Variants in SLC35C1 observed in about 807,000 individuals in gnomAD.
The protein encoded by SLC35C1 is solute carrier family 35 member C1.
Under a neutral mutation model 23.2 loss-of-function variants are expected in SLC35C1, and 8 were observed. That is an observed-to-expected ratio of 0.35 (90% confidence interval 0.20 to 0.62). The LOEUF (loss-of-function observed/expected upper bound fraction) is 0.62. Among genes scored for constraint, SLC35C1 ranks in the 20% least tolerant of loss-of-function variants. The pLI is 0.75. For missense variants in SLC35C1, 422 were observed against 478.6 expected, an observed-to-expected ratio of 0.88 and a Z score of 1.10; for synonymous variants, 226 against 225.1, an observed-to-expected ratio of 1.00 and a Z score of -0.04.
chr11:45,806,104 C>T lies in SLC35C1; in HGVS notation c.303C>T (p.Ala101=), dbSNP rs1252172682. Residue 101 remains alanine, a synonymous_variant, in exon 1 of 2, where the codon GCC becomes GCT. Coordinates refer to ENST00000314134, the MANE Select transcript of SLC35C1 (RefSeq NM_018389.5). The stretch of plus-strand genomic sequence containing the variant: ...CTCTGGCCGCCTGCTGCCCTGGTGC[C>T]GTGGACTTCCCCAGCTTGCGCCTGG... The part of the protein sequence containing the change: ...LSALAACCPG[A]VDFPSLRLDL... The T allele has an allele frequency of 3.1e-6, 5 of 1,610,474 alleles. No homozygotes were observed. Among genetic ancestry groups the T allele is most frequent in the Non-Finnish European group, 3.4e-6 (4 of 1,179,996 alleles).
At chr11:45,810,708 T>C in intron 1 of SLC35C1, 68 bp from the exon 2 acceptor site, 1 of 1,556,972 alleles carries the variant, frequency 6.4e-7, no homozygotes. Flanking sequence ...TCTGATCCTC[T>C]GTCCTTCTTC....
rs2134589937 is a variant in SLC35C1, at chr11:45,805,978, T to C, written c.177T>C (p.Asn59=). ...CCTCCATCTCCATGGTGTTCCTTAA[T>C]AAGTACCTGCTGGACAGCCCCTCCC... is the stretch of plus-strand genomic sequence containing the variant. ...WVTSISMVFL[N]KYLLDSPSLR... is the part of the protein sequence containing the mutation. Residue 59 remains asparagine (N), a synonymous_variant, in exon 1 of 2, where the codon AAT becomes AAC. Coordinates refer to ENST00000314134, the MANE Select transcript of SLC35C1 (RefSeq NM_018389.5). 1 of 1,614,074 alleles carries C rather than the reference T, an allele frequency of 6.2e-7. No homozygotes were observed. The highest frequency in any genetic ancestry group is 2.2e-5 in the East Asian group (1 of 44,852).
chr11:45,805,589 C>T lies in SLC35C1; in HGVS notation c.-213C>T. The T allele has an allele frequency of 1.4e-6, 2 of 1,458,684 alleles. No individual in the cohort carries two copies. Among genetic ancestry groups the T allele is most frequent in the Non-Finnish European group, 1.8e-6 (2 of 1,106,506 alleles). 90.4% of individuals were successfully genotyped at this position (1,458,684 alleles called of 1,614,324 possible). A position where few individuals can be genotyped will look rare whatever the true frequency, so the allele number is the denominator to read the frequency against. On this transcript the variant is annotated 5_prime_UTR_variant, in exon 1 of 2. Transcript: ENST00000314134. ...GCCCTGTGTCTTGTCTCAGAGCCCC[C>T]TCGGGGTGGGAGTAGGTTGTGGAGC...
In SLC35C1 at chr11:45,811,038, C is replaced by T. The variant is rs1287604888; in HGVS notation, c.798C>T (p.Phe266=). The change falls in exon 2 of 2, where the codon TTC becomes TTT. Residue 266 remains phenylalanine, a synonymous_variant. Transcript: ENST00000314134. ...TTGCCCAGCTGGGCAGTGCCCACTT[C>T]TGGGGGATGATGACGCTGGGCGGCC... The part of the protein sequence containing the change: ...RDFAQLGSAH[F]WGMMTLGGLF... 1 of 1,613,124 alleles carries T rather than the reference C, an allele frequency of 6.2e-7. No homozygotes were observed. Among genetic ancestry groups the T allele is most frequent in the Non-Finnish European group, 8.5e-7 (1 of 1,180,024 alleles).
chr11:45,812,406 C>CA lies in SLC35C1; in HGVS notation c.*1072dup. On this transcript the variant is annotated 3_prime_UTR_variant, in exon 2 of 2. Transcript: ENST00000314134. Reference sequence around the variant, plus strand: ...AGCCTGCTTGGCCCCACTGTTAGTCCAGCGAGCTCCTATATCAAAATGCCG... The same window carrying CA: ...AGCCTGCTTGGCCCCACTGTTAGTCCAAGCGAGCTCCTATATCAAAATGCCG... The CA allele has an allele frequency of 2.6e-6, 1 of 379,320 alleles. No homozygotes were observed. Among genetic ancestry groups the CA allele is most frequent in the Non-Finnish European group, 5.3e-6 (1 of 189,906 alleles). 23.5% of individuals were successfully genotyped at this position (379,320 alleles called of 1,614,324 possible).
In SLC35C1 at chr11:45,811,560, A is replaced by T; in HGVS notation, c.*225A>T. On this transcript the variant is annotated 3_prime_UTR_variant, in exon 2 of 2. Transcript: ENST00000314134. ...TACAAGTAATACCAGAAAGTTGCCAAACCCTTCTCTATCCTCTCGTATTTC... is the reference window on the plus strand; with the variant it reads ...TACAAGTAATACCAGAAAGTTGCCATACCCTTCTCTATCCTCTCGTATTTC... 1 of 471,700 alleles carries T rather than the reference A, an allele frequency of 2.1e-6. No individual in the cohort carries two copies. The highest frequency in any genetic ancestry group is 3.7e-6 in the Non-Finnish European group (1 of 269,172). The allele number at this position is 471,700 out of a possible 1,614,324, so 29.2% of individuals were successfully genotyped here. A position where few individuals can be genotyped will look rare whatever the true frequency, so the allele number is the denominator to read the frequency against.
In SLC35C1 at chr11:45,812,468, C is replaced by T. The variant is rs1456279059; in HGVS notation, c.*1133C>T. On this transcript the variant is annotated 3_prime_UTR_variant, in exon 2 of 2. Coordinates refer to ENST00000314134, the MANE Select transcript of SLC35C1 (RefSeq NM_018389.5). ...GCTTACAAACAACAGAAACGTATTG[C>T]TCACAGTCCTGGGGGGCTGGGACGC... 4.5e-6 allele frequency: 2 copies of T among 445,350 alleles called. No individual in the cohort carries two copies. Among genetic ancestry groups the T allele is most frequent in the East Asian group, 7.0e-5 (1 of 14,344 alleles). 27.6% of individuals were successfully genotyped at this position (445,350 alleles called of 1,614,324 possible). A position where few individuals can be genotyped will look rare whatever the true frequency, so the allele number is the denominator to read the frequency against.
At chr11:45,810,296 C>T in intron 1 of SLC35C1, 1 of 985,416 alleles carries the variant, frequency 1.0e-6, no homozygotes, top group Non-Finnish European at 1.2e-6. Context: ...ATGCAAGAAG[C>T]AGCCAAGGCT....
In SLC35C1 at chr11:45,805,193, G is replaced by C. The variant is rs1484995829; in HGVS notation, c.-609G>C. The C allele has an allele frequency of 5.0e-5, 50 of 990,892 alleles. No individual in the cohort carries two copies. Among genetic ancestry groups the C allele is most frequent in the Non-Finnish European group, 5.9e-5 (49 of 832,938 alleles). 61.4% of individuals were successfully genotyped at this position (990,892 alleles called of 1,614,324 possible). ...CTGGGCTGAGCCGGCGACAGAGCCC[G>C]GGAAGGCAGCGAGACGTGGGCGCCG... On this transcript the variant is annotated 5_prime_UTR_variant, in exon 1 of 2. Coordinates refer to ENST00000314134, the MANE Select transcript of SLC35C1 (RefSeq NM_018389.5).
chr11:45,805,568 T>A lies in SLC35C1; in HGVS notation c.-234T>A. 4 of 1,443,386 alleles carry A rather than the reference T, an allele frequency of 2.8e-6. No homozygotes were observed. Among genetic ancestry groups the A allele is most frequent in the African/African-American group, 1.4e-5 (1 of 70,312 alleles). 89.4% of individuals were successfully genotyped at this position (1,443,386 alleles called of 1,614,324 possible). A position where few individuals can be genotyped will look rare whatever the true frequency, so the allele number is the denominator to read the frequency against. On this transcript the variant is annotated 5_prime_UTR_variant, in exon 1 of 2. Transcript: ENST00000314134. ...CTTATCCTATTCCTCTCCCTTGCCC[T>A]GTGTCTTGTCTCAGAGCCCCCTCGG...
upstream of SLC35C1, chr11:45,805,144 T>A: frequency 1.0e-6 from 1 of 984,626 alleles, no homozygotes; most frequent in African/African-American, 1.8e-5. Flanking sequence ...TCCCGGGGAG[T>A]CGGCCTCGGA....
chr11:45,808,556 T>C (rs1338125733), intron 1 of SLC35C1, among the ~76,000 whole-genome samples: 1 of 152,208 alleles, frequency 6.6e-6, no homozygotes, highest in Non-Finnish European at 1.5e-5. Flanking sequence ...TTGCAGTTGC[T>C]TCTGGACTCA....
At chr11:45,810,728 C>G (rs1235736427) in intron 1 of SLC35C1, 48 bp from the exon 2 acceptor site, 1 of 1,590,286 alleles carries the variant, frequency 6.3e-7, no homozygotes, top group Non-Finnish European at 8.6e-7. Context: ...CCTCCTCGTC[C>G]TCATCCCTCT....
At chr11:45,810,202 T>C (rs2085923819) in intron 1 of SLC35C1, 1 of 985,306 alleles carries the variant, frequency 1.0e-6, no homozygotes, top group South Asian at 4.7e-5. Flanking sequence ...TGACACAAGA[T>C]GAGAGTCTCA....
intron 1 of SLC35C1, chr11:45,809,808 C>G (rs2085918389): frequency 2.0e-6 from 2 of 985,302 alleles, no homozygotes; most frequent in Non-Finnish European, 2.4e-6. Context: ...ATTGTTCAGC[C>G]CCTGGCTTCT....
At chr11:45,809,146 C>T (rs1382436419) in intron 1 of SLC35C1, among the ~76,000 whole-genome samples, 1 of 152,152 alleles carries the variant, frequency 6.6e-6, no homozygotes, top group Non-Finnish European at 1.5e-5. Context: ...AAACACATGC[C>T]AGGCACCATG....
chr11:45,812,659 G>C lies in SLC35C1; in HGVS notation c.*1324G>C, dbSNP rs191299403. On this transcript the variant is annotated 3_prime_UTR_variant, in exon 2 of 2. Transcript: ENST00000314134. ...CTGTTCATGAGGGTTCCGCCCCCATGACCCAATCAGCTCCAAAGGCCCCAC... is the reference window on the plus strand; with the variant it reads ...CTGTTCATGAGGGTTCCGCCCCCATCACCCAATCAGCTCCAAAGGCCCCAC... 4.4e-6 allele frequency: 2 copies of C among 455,840 alleles called. No homozygotes were observed. The highest frequency in any genetic ancestry group is 4.7e-5 in the Admixed American group (2 of 42,558). 28.2% of individuals were successfully genotyped at this position (455,840 alleles called of 1,614,324 possible).
chr11:45,810,591 T>C, intron 1 of SLC35C1, 185 bp from the exon 2 acceptor site: 7 of 985,270 alleles, frequency 7.1e-6, no homozygotes, highest in Non-Finnish European at 8.4e-6. Context: ...GCTCCCATAG[T>C]TCATGTGGAG....
Position 45,811,199 on chromosome 11 carries a change from G to A in SLC35C1, c.959G>A (p.Ser320Asn), listed in dbSNP as rs1342335723. ...GTGCTCTACTACGAGGAGACCAAGAGCTTCCTCTGGTGGACGAGCAACATG... is the reference window on the plus strand; with the variant it reads ...GTGCTCTACTACGAGGAGACCAAGAACTTCCTCTGGTGGACGAGCAACATG... ...LAVLYYEETK[S>N]FLWWTSNMMV... The change falls in exon 2 of 2, where the codon AGC becomes AAC. Residue 320 changes from serine to asparagine, a missense_variant. Ser to Asn is a conservative substitution (Grantham distance 46, BLOSUM62 1). Transcript: ENST00000314134. The A allele has an allele frequency of 6.2e-7, 1 of 1,610,620 alleles. No individual in the cohort carries two copies.
Sources: gnomAD v4.1 joint callset for allele counts (sites outside exome capture counted in the v4.1 genomes callset) on GRCh38, gnomAD v4.1.1 for gene constraint, MANE v1.5 for transcripts, NCBI Gene and HGNC (gene_info 2026-07-23, HGNC 2026-07-21) for gene names.